The following ARHGEF28 variants were observed in gnomAD, a reference collection of about 807,000 sequenced individuals.
ARHGEF28 encodes the protein Rho guanine nucleotide exchange factor 28.
In ARHGEF28, 152 loss-of-function variants were observed where a neutral mutation model predicts 206.6. That is an observed-to-expected ratio of 0.74 (90% CI 0.64 to 0.84). The LOEUF is 0.84. Among genes scored for constraint, ARHGEF28 ranks in the 40% least tolerant of loss-of-function variants. The pLI is 0.00. For synonymous variants in ARHGEF28, 763 were observed against 776.4 expected, an observed-to-expected ratio of 0.98 and a Z score of 0.29; for missense variants, 2,028 against 2,073.2, an observed-to-expected ratio of 0.98 and a Z score of 0.42.
At chr5:73,799,480 A>C (rs76087833) in intron 9 of ARHGEF28, among the ~76,000 whole-genome samples, 1 of 152,204 alleles carries the variant, frequency 6.6e-6, no homozygotes, top group Non-Finnish European at 1.5e-5. Flanking sequence ...CCATAATGCC[A>C]GTGTCTCAGG....
At chr5:73,786,161 G>A (rs1754145075) in intron 7 of ARHGEF28, among the ~76,000 whole-genome samples, 1 of 152,074 alleles carries the variant, frequency 6.6e-6, no homozygotes, top group South Asian at 2.1e-4. Flanking sequence ...TACGTGCCAG[G>A]CATTGTTCTA....
At chr5:73,727,630 GAGACATTGTGT>G (rs1750357862) in intron 2 of ARHGEF28, among the ~76,000 whole-genome samples, 1 of 152,174 alleles carries the variant, frequency 6.6e-6, no homozygotes, top group Middle Eastern at 3.2e-3. Flanking sequence ...CTGTCCCCCT[GAGACATTGTGT>G]AGTAACTCTG....
At chr5:73,626,540 C>T (rs760464496) in intron 1 of ARHGEF28, among the ~76,000 whole-genome samples, 6 of 151,956 alleles carry the variant, frequency 3.9e-5, no homozygotes, top group Non-Finnish European at 7.4e-5. Flanking sequence ...GAGAGGGCGG[C>T]GCAGCCTCGT....
intron 35 of ARHGEF28, among the ~76,000 whole-genome samples, chr5:73,932,765 T>G (rs1230362369): frequency 6.6e-6 from 1 of 151,606 alleles, no homozygotes; most frequent in African/African-American, 2.4e-5. Flanking sequence ...ACTTCGGTAG[T>G]TTTGGACTAG....
At chr5:73,743,554 C>A (rs138460806) in intron 2 of ARHGEF28, among the ~76,000 whole-genome samples, 1 of 152,146 alleles carries the variant, frequency 6.6e-6, no homozygotes, top group African/African-American at 2.4e-5. Flanking sequence ...TCTGATATTT[C>A]CCCCTGGATT....
chr5:73,685,614 T>A (rs114675959), intron 2 of ARHGEF28, among the ~76,000 whole-genome samples: 445 of 152,178 alleles, frequency 2.9e-3, no homozygotes, highest in Middle Eastern at 0.014. Flanking sequence ...ATTTTATTTT[T>A]TTTATTTTTT....
At chr5:73,757,712 A>G (rs1451415163) in intron 4 of ARHGEF28, among the ~76,000 whole-genome samples, 2 of 152,172 alleles carry the variant, frequency 1.3e-5, no homozygotes, top group Non-Finnish European at 2.9e-5. Flanking sequence ...TTAATTTTAG[A>G]CCATAAATAA....
chr5:73,629,669 ACTT>A (rs1743240604), intron 1 of ARHGEF28, among the ~76,000 whole-genome samples: 1 of 152,132 alleles, frequency 6.6e-6, no homozygotes, highest in Non-Finnish European at 1.5e-5. Flanking sequence ...TTGCTCCTGG[ACTT>A]CTTCTCCTGG....
intron 1 of ARHGEF28, among the ~76,000 whole-genome samples, chr5:73,634,564 G>A (rs1245156863): frequency 1.3e-5 from 2 of 152,108 alleles, no homozygotes; most frequent in African/African-American, 2.4e-5. Flanking sequence ...AGAATCTGCC[G>A]TTTTGAAAGT....
rs145579225 is a variant in ARHGEF28, at chr5:73,678,979, C to T, written c.-11-5862C>T. ...TCATACCTCACTGTAGCCTACAACT[C>T]CTGGGTTTGGGAGATCCTCCTGCCT... On this transcript the variant is annotated intron_variant, in intron 1 of 35. Coordinates refer to ENST00000513042, the MANE Select transcript of ARHGEF28 (RefSeq NM_001177693.2). 7.5e-4 allele frequency among the ~76,000 whole-genome samples: 114 copies of T among 152,346 alleles called. 1 individual carries two copies. In the East Asian group the frequency reaches 0.017, roughly 22 times the overall value.
chr5:73,688,042 G>A (rs1242680099), intron 2 of ARHGEF28, among the ~76,000 whole-genome samples: 2 of 152,142 alleles, frequency 1.3e-5, no homozygotes, highest in Non-Finnish European at 2.9e-5. Context: ...ACTCTGGCAA[G>A]TGTGTAATAA....
chr5:73,824,844 T>A (rs2112545076), intron 9 of ARHGEF28, among the ~76,000 whole-genome samples: 1 of 152,010 alleles, frequency 6.6e-6, no homozygotes, highest in South Asian at 2.1e-4. Context: ...CAGTACCTGG[T>A]GATCAGTAGA....
rs183237847 is a variant in ARHGEF28, at chr5:73,882,760, A to G, written c.2937+166A>G. 1.7e-3 allele frequency among the ~76,000 whole-genome samples: 256 copies of G among 152,286 alleles called. 1 individual carries two copies. Among genetic ancestry groups the G allele is most frequent in the African/African-American group, 5.8e-3 (240 of 41,574 alleles). ...AAAGGTGGAAAGTCTCTTTTTCTGT[A>G]TTAGTAAAATATTGCCCCCAAATCA... On this transcript the variant is annotated intron_variant, in intron 23 of 35. Transcript: ENST00000513042.
intron 4 of ARHGEF28, among the ~76,000 whole-genome samples, chr5:73,758,723 T>C (rs1294178775): frequency 6.6e-6 from 1 of 152,054 alleles, no homozygotes; most frequent in African/African-American, 2.4e-5. Context: ...GCCTGGCTTA[T>C]TTTTGTATTT....
intron 35 of ARHGEF28, among the ~76,000 whole-genome samples, chr5:73,916,654 G>C (rs1763229917): frequency 6.6e-6 from 1 of 152,138 alleles, no homozygotes; most frequent in African/African-American, 2.4e-5. Context: ...CTTTAAAGCT[G>C]TATCTACAAA....
chr5:73,842,021 G>A (rs1758019641), intron 11 of ARHGEF28, among the ~76,000 whole-genome samples: 1 of 151,936 alleles, frequency 6.6e-6, no homozygotes, highest in African/African-American at 2.4e-5. Flanking sequence ...TAGTTTCATT[G>A]CATCTGATAT....
chr5:73,811,044 A>T (rs969848389), intron 9 of ARHGEF28, among the ~76,000 whole-genome samples: 4 of 152,198 alleles, frequency 2.6e-5, no homozygotes, highest in Admixed American at 2.6e-4. Flanking sequence ...CCAATTCAGG[A>T]TGAGGACTTT....
chr5:73,781,607 A>G (rs1242311795), intron 7 of ARHGEF28, among the ~76,000 whole-genome samples: 1 of 152,106 alleles, frequency 6.6e-6, no homozygotes, highest in Non-Finnish European at 1.5e-5. Flanking sequence ...TAGGAAGCAT[A>G]TTTTTGCATA....
At chr5:73,659,830 T>G (rs1745476451) in intron 1 of ARHGEF28, among the ~76,000 whole-genome samples, 2 of 152,176 alleles carry the variant, frequency 1.3e-5, no homozygotes. Flanking sequence ...CTAAAAAATG[T>G]AAATACCTAA....
Sources: gnomAD v4.1 joint callset for allele counts (sites outside exome capture counted in the v4.1 genomes callset) on GRCh38, gnomAD v4.1.1 for gene constraint, MANE v1.5 for transcripts, NCBI Gene and HGNC (gene_info 2026-07-23, HGNC 2026-07-21) for gene names.